MIEF2: variants seen among roughly 807,000 people sequenced by gnomAD.
MIEF2 encodes mitochondrial elongation factor 2, also known as mitochondrial dynamics protein MID49.
In MIEF2, 1 loss-of-function variant was observed where a neutral mutation model predicts 7.4. The ratio of observed to expected loss-of-function variants is 0.14; its 90% confidence interval spans 0.05 to 0.64. MIEF2 has a LOEUF of 0.64. Ranked by LOEUF, MIEF2 falls within the 30% of genes least tolerant of loss-of-function variation. The probability of loss-of-function intolerance (pLI) is 0.85; values close to 1 mark genes in which losing one functional copy is unlikely to be tolerated. For missense variants in MIEF2, 569 were observed against 623.9 expected (o/e 0.91, Z 0.94); for synonymous variants, 275 against 290.5 (o/e 0.95, Z 0.54).
intron 2 of MIEF2, 49 bp downstream of exon 2, chr17:18,262,916 C>T (rs1320829550): frequency 1.1e-5 from 17 of 1,524,564 alleles, no homozygotes; most frequent in Non-Finnish European, 1.5e-5. Flanking sequence ...AGGAGGACAA[C>T]AGGGTTGGGC....
At position 18,265,609 on chromosome 17, in the gene MIEF2, T is replaced by C. The variant is rs1324589034; in HGVS notation, c.*845T>C. ...AAATGAACTGCTCTCAGCTGATGGC[T>C]GTATTCTGACTTTGAAGCCTGTTAA... is the stretch of plus-strand genomic sequence containing the variant. On this transcript the variant is annotated 3_prime_UTR_variant, in exon 4 of 4. Transcript: ENST00000323019. The C allele has an allele frequency of 6.6e-6, 1 of 152,362 alleles. No homozygotes were observed. Among genetic ancestry groups the C allele is most frequent in the African/African-American group, 2.4e-5 (1 of 41,466 alleles). 9.4% of individuals were successfully genotyped at this position (152,362 alleles called of 1,614,324 possible).
intron 1 of MIEF2, 31 bp downstream of exon 1, chr17:18,260,768 A>G: frequency 3.6e-6 from 1 of 281,140 alleles, no homozygotes; most frequent in Non-Finnish European, 6.8e-6. Context: ...GGCGGCCCCC[A>G]GGGTCACCGG....
chr17:18,263,968 C>T lies in MIEF2; in HGVS notation c.569C>T (p.Ala190Val). ...GPLYDGLQAG[A>V]ADHVRLLVPL... ...CTCTACGACGGGCTGCAGGCGGGGGCTGCGGACCATGTGCGTCTCCTGGTG... is the reference window on the plus strand; with the variant it reads ...CTCTACGACGGGCTGCAGGCGGGGGTTGCGGACCATGTGCGTCTCCTGGTG... The change falls in exon 4 of 4, where the codon GCT (alanine) becomes GTT (valine). Residue 190 changes from alanine to valine, a missense_variant. Transcript: ENST00000323019. The T allele has an allele frequency of 6.3e-7, 1 of 1,580,304 alleles. No individual in the cohort carries two copies. Among genetic ancestry groups the T allele is most frequent in the Non-Finnish European group, 8.6e-7 (1 of 1,166,030 alleles).
chr17:18,261,151 A>C, intron 1 of MIEF2: 1 of 1,551,574 alleles, frequency 6.4e-7, no homozygotes, highest in South Asian at 1.2e-5. Flanking sequence ...GCTGAGTCCC[A>C]ATTTAGACAG....
intron 3 of MIEF2, 64 bp downstream of exon 3, chr17:18,263,312 T>C: frequency 6.2e-7 from 1 of 1,602,358 alleles, no homozygotes; most frequent in Non-Finnish European, 8.5e-7. Flanking sequence ...GGCTTTGCCC[T>C]GACTGACTGT....
At chr17:18,260,839 G>A in intron 1 of MIEF2, 102 bp downstream of exon 1, 1 of 459,408 alleles carries the variant, frequency 2.2e-6, no homozygotes. Context: ...TCACCGCTGG[G>A]GAAGGCGGGG....
Position 18,264,819 on chromosome 17 carries a change from C to G in MIEF2, c.*55C>G. 1 of 1,555,782 alleles carries G rather than the reference C, an allele frequency of 6.4e-7. No homozygotes were observed. Among genetic ancestry groups the G allele is most frequent in the Non-Finnish European group, 8.7e-7 (1 of 1,148,980 alleles). On this transcript the variant is annotated 3_prime_UTR_variant, in exon 4 of 4. Coordinates refer to ENST00000323019, the MANE Select transcript of MIEF2 (RefSeq NM_139162.4). Reference sequence around the variant, plus strand: ...TCTAATGCTGGGGAGCTGCACCCACCTCCCTTCCAGGGATTTGAATAGTGG... The same window carrying G: ...TCTAATGCTGGGGAGCTGCACCCACGTCCCTTCCAGGGATTTGAATAGTGG...
chr17:18,263,533 A>G (rs1978544902), intron 3 of MIEF2, 177 bp from the exon 4 acceptor site: 1 of 946,094 alleles, frequency 1.1e-6, no homozygotes, highest in Non-Finnish European at 1.6e-6. Flanking sequence ...CTCTGGGGCA[A>G]TGAGAACTCG....
intron 1 of MIEF2, among the ~76,000 whole-genome samples, chr17:18,261,588 TC>T (rs1193074405): frequency 5.3e-5 from 8 of 152,050 alleles, no homozygotes; most frequent in Non-Finnish European, 1.2e-4. Flanking sequence ...GAGGGCAGTG[TC>T]CCCCTCGCAG....
chr17:18,263,469 G>A, intron 3 of MIEF2: 1 of 853,986 alleles, frequency 1.2e-6, no homozygotes, highest in East Asian at 2.6e-5. Context: ...AGGTCCAGAG[G>A]GGCGTGACAT....
rs755219775 is a variant in MIEF2, at chr17:18,266,067, G to C, written c.*1303G>C. 2.0e-5 allele frequency: 3 copies of C among 151,960 alleles called. No individual in the cohort carries two copies. The highest frequency in any genetic ancestry group is 6.6e-5 in the Admixed American group (1 of 15,252). The allele number at this position is 151,960 out of a possible 1,614,324, so 9.4% of individuals were successfully genotyped here. On this transcript the variant is annotated 3_prime_UTR_variant, in exon 4 of 4. Transcript: ENST00000323019. ...CTAAAAAGACAAAAATTAGCTGGGC[G>C]TGGTGGCACGCACCTATAGTCCCAG...
chr17:18,264,008 G>T lies in MIEF2; in HGVS notation c.609G>T (p.Glu203Asp), dbSNP rs745842933. 6.4e-7 allele frequency: 1 copy of T among 1,564,672 alleles called. No homozygotes were observed. The highest frequency in any genetic ancestry group is 1.7e-5 in the Admixed American group (1 of 57,176). The stretch of plus-strand genomic sequence containing the variant: ...GTCTCCTGGTGCCACTGGTGCTGGA[G>T]CCGGGCCTGTGGAGCCTGGTGCCGG... ...HVRLLVPLVLEPGLWSLVPGV... is the reference protein window; with the variant it reads ...HVRLLVPLVLDPGLWSLVPGV... Residue 203 changes from glutamate (E) to aspartate (D), a missense_variant, in exon 4 of 4, where the codon GAG (glutamate) becomes GAT (aspartate). Glu to Asp is a conservative substitution (Grantham distance 45). Transcript: ENST00000323019.
intron 1 of MIEF2, chr17:18,261,219 G>C: frequency 1.3e-6 from 2 of 1,539,316 alleles, no homozygotes; most frequent in Non-Finnish European, 1.8e-6. Flanking sequence ...TCTCTCTGGG[G>C]GCGGGTGGCA....
In MIEF2 at chr17:18,266,283, CGG is replaced by C. The variant is rs890344339; in HGVS notation, c.*1520_*1521del. On this transcript the variant is annotated 3_prime_UTR_variant, in exon 4 of 4. Coordinates refer to ENST00000323019, the MANE Select transcript of MIEF2 (RefSeq NM_139162.4). ...TCCCAGCACTTTGGGAAGCCGAGGC[CGG>C]TAGATCACCTGAGGTTGGGAATTCA... The C allele has an allele frequency of 6.6e-6, 1 of 152,002 alleles. No homozygotes were observed. Among genetic ancestry groups the C allele is most frequent in the Non-Finnish European group, 1.5e-5 (1 of 68,026 alleles). The allele number at this position is 152,002 out of a possible 1,614,324, so 9.4% of individuals were successfully genotyped here. A position where few individuals can be genotyped will look rare whatever the true frequency, so the allele number is the denominator to read the frequency against.
intron 1 of MIEF2, among the ~76,000 whole-genome samples, chr17:18,261,932 G>A (rs1208670160): frequency 1.3e-5 from 2 of 152,260 alleles, no homozygotes; most frequent in African/African-American, 4.8e-5. Flanking sequence ...GCATTGGCCT[G>A]CCTGGGCAGC....
rs368950196 is a variant in MIEF2, at chr17:18,262,882, G to C, written c.147+15G>C. On this transcript the variant is annotated intron_variant, in intron 2 of 3. Coordinates refer to ENST00000323019, the MANE Select transcript of MIEF2 (RefSeq NM_139162.4). ...CCGTGAAGCGGGTAAGGCCAAGTGG[G>C]CGGGTCATGCCTGAAGCTCCTAGAG... The C allele has an allele frequency of 6.5e-7, 1 of 1,532,600 alleles. No homozygotes were observed. Among genetic ancestry groups the C allele is most frequent in the African/African-American group, 1.4e-5 (1 of 72,514 alleles). The allele number at this position is 1,532,600 out of a possible 1,614,324, so 94.9% of individuals were successfully genotyped here.
At position 18,264,281 on chromosome 17, in the gene MIEF2, C is replaced by T. The variant is rs200564412; in HGVS notation, c.882C>T (p.His294=). 18 of 1,606,752 alleles carry T rather than the reference C, an allele frequency of 1.1e-5. No individual in the cohort carries two copies. The highest frequency in any genetic ancestry group is 2.7e-5 in the African/African-American group (2 of 75,044). ...ASEELLLEVQ[H]ERLELTVAVL... is the part of the protein sequence containing the mutation. ...AGGAGCTGCTGCTCGAGGTGCAGCA[C>T]GAACGCCTGGAGCTCACTGTGGCTG... The change falls in exon 4 of 4, where the codon CAC becomes CAT. Residue 294 remains histidine, a synonymous_variant. Transcript: ENST00000323019.
At chr17:18,261,410 C>G (rs756957254) in intron 1 of MIEF2, among the ~76,000 whole-genome samples, 35 of 152,196 alleles carry the variant, frequency 2.3e-4, no homozygotes, top group Non-Finnish European at 2.9e-5. Context: ...CATCTGGTCA[C>G]CTGGCAACTG....
chr17:18,263,379 T>C (rs1320470527), intron 3 of MIEF2, 131 bp downstream of exon 3: 7 of 1,265,092 alleles, frequency 5.5e-6, no homozygotes, highest in Non-Finnish European at 6.9e-6. Context: ...AGATATTTAA[T>C]GGGGGTGGTG....
Sources: gnomAD v4.1 joint callset for allele counts (sites outside exome capture counted in the v4.1 genomes callset) on GRCh38, gnomAD v4.1.1 for gene constraint, MANE v1.5 for transcripts, NCBI Gene and HGNC (gene_info 2026-07-23, HGNC 2026-07-21) for gene names.